The following EBF1 variants were observed in gnomAD, a reference collection of about 807,000 sequenced individuals.
EBF1 encodes transcription factor COE1.
Under a neutral mutation model 68.4 loss-of-function variants are expected in EBF1, and 10 were observed. That is an observed-to-expected ratio of 0.15 (90% CI 0.09 to 0.25). The LOEUF (loss-of-function observed/expected upper bound fraction) is 0.25, where lower values mean the gene tolerates loss of function less well. EBF1 is among the 10% of genes least tolerant of loss of function. The pLI, the probability that EBF1 is intolerant of heterozygous loss-of-function variation, is 1.00. For synonymous variants in EBF1, 298 were observed against 299.8 expected, an observed-to-expected ratio of 0.99 and a Z score of 0.06; for missense variants, 509 against 794.4, an observed-to-expected ratio of 0.64 and a Z score of 4.32.
chr5:158,860,062 T>C (rs978590795), intron 6 of EBF1, among the ~76,000 whole-genome samples: 1 of 152,222 alleles, frequency 6.6e-6, no homozygotes, highest in African/African-American at 2.4e-5. Flanking sequence ...CAAGTATTGA[T>C]GGATACACTT....
At chr5:158,788,503 G>A (rs966781365) in intron 9 of EBF1, among the ~76,000 whole-genome samples, 15 of 152,136 alleles carry the variant, frequency 9.9e-5, no homozygotes, top group Admixed American at 3.3e-4. Flanking sequence ...GAGTCAAGGT[G>A]GTGTGCTTGA....
chr5:158,849,293 G>A (rs1562109989), intron 6 of EBF1, among the ~76,000 whole-genome samples: 2 of 152,086 alleles, frequency 1.3e-5, no homozygotes, highest in South Asian at 2.1e-4. Context: ...TCACTTTTCA[G>A]CATTCTTTGC....
At chr5:158,799,114 G>C (rs1780109287) in intron 8 of EBF1, among the ~76,000 whole-genome samples, 1 of 152,124 alleles carries the variant, frequency 6.6e-6, no homozygotes, top group Non-Finnish European at 1.5e-5. Context: ...GATGAGGAGG[G>C]GAAGCTAGTA....
In EBF1 at chr5:159,068,005, A is replaced by G. The variant is rs1242912187; in HGVS notation, c.554+5391T>C. The stretch of plus-strand genomic sequence containing the variant: ...GGTTTATCGGAACGCTGAGAAATGC[A>G]TTTACACCTCTGGTTCTTCATACCC... On this transcript the variant is annotated intron_variant, in intron 6 of 15. Transcript: ENST00000313708. 2.0e-5 allele frequency among the ~76,000 whole-genome samples: 3 copies of G among 152,144 alleles called. No homozygotes were observed. The South Asian group carries it at 6.2e-4, about 31-fold the overall frequency.
At chr5:158,921,148 T>C (rs1405321362) in intron 6 of EBF1, among the ~76,000 whole-genome samples, 3 of 152,172 alleles carry the variant, frequency 2.0e-5, no homozygotes, top group African/African-American at 4.8e-5. Context: ...GTTCTGCAAA[T>C]AGACTTAGGA....
At chr5:158,820,697 G>T (rs577811591) in intron 8 of EBF1, among the ~76,000 whole-genome samples, 1 of 152,174 alleles carries the variant, frequency 6.6e-6, no homozygotes, top group African/African-American at 2.4e-5. Flanking sequence ...ACAGTGAAAT[G>T]TCACCATTTT....
intron 6 of EBF1, among the ~76,000 whole-genome samples, chr5:158,878,537 T>C (rs1798217194): frequency 6.6e-6 from 1 of 152,168 alleles, no homozygotes; most frequent in African/African-American, 2.4e-5. Flanking sequence ...AACACTATGA[T>C]GTGGGTATAT....
At chr5:159,046,148 A>T (rs1772346710) in intron 6 of EBF1, among the ~76,000 whole-genome samples, 1 of 152,226 alleles carries the variant, frequency 6.6e-6, no homozygotes, top group East Asian at 1.9e-4. Flanking sequence ...TGACCCCCAC[A>T]CAGAATTAAT....
intron 6 of EBF1, among the ~76,000 whole-genome samples, chr5:158,888,656 AGAG>A (rs1458550710): frequency 1.3e-5 from 2 of 152,176 alleles, no homozygotes; most frequent in African/African-American, 4.8e-5. Context: ...CATTTTGAAT[AGAG>A]GAGAAGTCTG....
intron 9 of EBF1, among the ~76,000 whole-genome samples, chr5:158,781,948 G>A (rs1178460500): frequency 6.6e-6 from 1 of 152,056 alleles, no homozygotes; most frequent in Non-Finnish European, 1.5e-5. Flanking sequence ...CAAACTCCTT[G>A]ACAGAATAAT....
chr5:158,917,423 T>C (rs1186883071), intron 6 of EBF1, among the ~76,000 whole-genome samples: 1 of 152,160 alleles, frequency 6.6e-6, no homozygotes, highest in African/African-American at 2.4e-5. Context: ...TCCAAAGTAA[T>C]AACAACACAG....
At chr5:158,896,546 A>G (rs563913957) in intron 6 of EBF1, among the ~76,000 whole-genome samples, 1 of 152,338 alleles carries the variant, frequency 6.6e-6, no homozygotes, top group South Asian at 2.1e-4. Context: ...GAAAAAAATC[A>G]AAGCTTAAGT....
chr5:158,894,399 T>TAAA (rs3035135), intron 6 of EBF1, among the ~76,000 whole-genome samples: 49,686 of 151,950 alleles, frequency 0.33, 8,749 homozygotes, highest in South Asian at 0.57. Flanking sequence ...AGAAGGCAGA[T>TAAA]AAATAAAAAG....
chr5:159,078,539 G>A (rs1779203375), intron 5 of EBF1, among the ~76,000 whole-genome samples: 1 of 152,160 alleles, frequency 6.6e-6, no homozygotes, highest in Admixed American at 6.5e-5. Context: ...GATGTGTGTT[G>A]GGCACTGTAC....
At chr5:158,998,473 C>T (rs1761898883) in intron 6 of EBF1, among the ~76,000 whole-genome samples, 1 of 152,096 alleles carries the variant, frequency 6.6e-6, no homozygotes, top group Admixed American at 6.5e-5. Flanking sequence ...ACTTTGTTCC[C>T]ACTATTGACT....
chr5:158,731,536 A>C (rs1034393252), intron 10 of EBF1, among the ~76,000 whole-genome samples: 13 of 152,234 alleles, frequency 8.5e-5, no homozygotes, highest in Non-Finnish European at 1.5e-4. Context: ...TATACATTGT[A>C]AACAGCAGGA....
At chr5:158,908,919 G>C (rs75386653) in intron 6 of EBF1, among the ~76,000 whole-genome samples, 152 of 152,272 alleles carry the variant, frequency 1.0e-3, no homozygotes, top group African/African-American at 3.6e-3. Context: ...AAGCTGCTCC[G>C]CTTGCCATGC....
intron 6 of EBF1, among the ~76,000 whole-genome samples, chr5:158,865,279 C>A (rs1795677064): frequency 6.6e-6 from 1 of 152,160 alleles, no homozygotes. Flanking sequence ...ATGTTAGAGG[C>A]AGCACAGCAG....
At chr5:159,057,104 C>CTTT (rs1205129627) in intron 6 of EBF1, among the ~76,000 whole-genome samples, 16 of 110,648 alleles carry the variant, frequency 1.4e-4, no homozygotes, top group Admixed American at 2.9e-4. Flanking sequence ...CTTTTCTTTT[C>CTTT]TTTTTTTTTT....
Sources: allele counts gnomAD v4.1 joint callset (sites outside exome capture counted in the v4.1 genomes callset), GRCh38; gene constraint gnomAD v4.1.1; transcripts MANE v1.5; gene names NCBI Gene and HGNC (gene_info 2026-07-23, HGNC 2026-07-21).